ADAMTS12: variants seen among roughly 807,000 people sequenced by gnomAD.
ADAMTS12 encodes the protein A disintegrin and metalloproteinase with thrombospondin motifs 12.
Under a neutral mutation model 167.8 loss-of-function variants are expected in ADAMTS12, and 118 were observed. The observed-to-expected ratio is 0.70, with a 90% CI of 0.61 to 0.82. ADAMTS12 has a LOEUF of 0.82. ADAMTS12 is among the 40% of genes least tolerant of loss of function. The pLI is 0.00. For synonymous variants in ADAMTS12, 704 were observed against 716.9 expected (o/e 0.98, Z 0.29); for missense variants, 1,916 against 1,998.8 (o/e 0.96, Z 0.79).
chr5:33,572,084 G>A (rs1284784571), intron 19 of ADAMTS12, among the ~76,000 whole-genome samples: 1 of 152,078 alleles, frequency 6.6e-6, no homozygotes, highest in Non-Finnish European at 1.5e-5. Context: ...AATAACAGGA[G>A]CTGAAATTGG....
chr5:33,765,548 C>G (rs1421763545), intron 2 of ADAMTS12, among the ~76,000 whole-genome samples: 1 of 152,114 alleles, frequency 6.6e-6, no homozygotes, highest in Non-Finnish European at 1.5e-5. Context: ...AAAATGTACC[C>G]TCCATTTTTC....
intron 2 of ADAMTS12, among the ~76,000 whole-genome samples, chr5:33,836,300 G>A (rs2111572716): frequency 6.6e-6 from 1 of 152,228 alleles, no homozygotes; most frequent in South Asian, 2.1e-4. Context: ...GTCCCAGGCA[G>A]CCCCGGACCT....
chr5:33,751,347 A>G (rs767807039), intron 3 of ADAMTS12, 57 bp downstream of exon 3: 1 of 1,611,744 alleles, frequency 6.2e-7, no homozygotes. Flanking sequence ...TTTTAATAAA[A>G]CAACCAAAAG....
intron 5 of ADAMTS12, among the ~76,000 whole-genome samples, chr5:33,676,889 C>G (rs949144781): frequency 2.6e-5 from 4 of 152,106 alleles, no homozygotes; most frequent in Admixed American, 2.6e-4. Flanking sequence ...AGACTCAACA[C>G]TAAACCACTC....
At chr5:33,699,583 A>G (rs187006758) in intron 3 of ADAMTS12, among the ~76,000 whole-genome samples, 413 of 152,286 alleles carry the variant, frequency 2.7e-3, no homozygotes, top group Non-Finnish European at 4.0e-3. Flanking sequence ...TTCTCTGCCC[A>G]TGTGAAATCT....
intron 5 of ADAMTS12, among the ~76,000 whole-genome samples, chr5:33,669,437 G>C (rs966361559): frequency 6.6e-6 from 1 of 152,096 alleles, no homozygotes; most frequent in African/African-American, 2.4e-5. Context: ...GTACCAATAG[G>C]TAAAGTCCAA....
intron 19 of ADAMTS12, among the ~76,000 whole-genome samples, chr5:33,570,707 G>A (rs1229300584): frequency 6.6e-6 from 1 of 151,292 alleles, no homozygotes; most frequent in Non-Finnish European, 1.5e-5. Flanking sequence ...AAAATAACCA[G>A]CTAACATCAT....
At chr5:33,732,708 C>T (rs950555205) in intron 3 of ADAMTS12, among the ~76,000 whole-genome samples, 7 of 151,982 alleles carry the variant, frequency 4.6e-5, no homozygotes, top group Admixed American at 6.6e-5. Context: ...ATTAGTGTTA[C>T]GTTTTGGAGG....
intron 2 of ADAMTS12, among the ~76,000 whole-genome samples, chr5:33,787,926 C>A (rs951919783): frequency 6.6e-6 from 1 of 152,192 alleles, no homozygotes; most frequent in African/African-American, 2.4e-5. Context: ...GTTCTGGGTG[C>A]CAGATAATTG....
chr5:33,813,992 G>A (rs1045756641), intron 2 of ADAMTS12, among the ~76,000 whole-genome samples: 1 of 152,204 alleles, frequency 6.6e-6, no homozygotes, highest in Non-Finnish European at 1.5e-5. Flanking sequence ...CTGATTTTCA[G>A]GAAATTGGGG....
chr5:33,579,692 G>C lies in ADAMTS12; in HGVS notation c.2866-2532C>G, dbSNP rs371430469. Among the ~76,000 whole-genome samples the C allele has an allele frequency of 2.4e-3, 360 of 152,280 alleles. 3 individuals are homozygous for C. Among genetic ancestry groups the C allele is most frequent in the South Asian group, 0.012 (56 of 4,822 alleles). Reference sequence around the variant, plus strand: ...ACTCCTTGTGTGATTCGGTGACTAAGTCAGCTTCCTCACCTGGAAACAGAG... The same window carrying C: ...ACTCCTTGTGTGATTCGGTGACTAACTCAGCTTCCTCACCTGGAAACAGAG... On this transcript the variant is annotated intron_variant, in intron 18 of 23. Coordinates refer to ENST00000504830, the MANE Select transcript of ADAMTS12 (RefSeq NM_030955.4).
rs1653638439 is a variant in ADAMTS12, at chr5:33,523,699, T to A, written c.*3489A>T. 6.6e-6 allele frequency: 1 copy of A among 152,178 alleles called. No individual in the cohort carries two copies. The highest frequency in any genetic ancestry group is 1.5e-5 in the Non-Finnish European group (1 of 68,026). 9.4% of individuals were successfully genotyped at this position (152,178 alleles called of 1,614,324 possible). A position where few individuals can be genotyped will look rare whatever the true frequency, so the allele number is the denominator to read the frequency against. ...AGGGCAATGGGCTGGGCCGTGTATG[T>A]CATACAATTATTTTGGAGGACAATG... is the stretch of plus-strand genomic sequence containing the variant. On this transcript the variant is annotated 3_prime_UTR_variant, in exon 24 of 24. Transcript: ENST00000504830.
chr5:33,803,745 G>A (rs760564888), intron 2 of ADAMTS12, among the ~76,000 whole-genome samples: 6 of 152,260 alleles, frequency 3.9e-5, no homozygotes, highest in East Asian at 1.9e-4. Context: ...CATCTTACAC[G>A]GCAGCAGGCA....
In ADAMTS12 at chr5:33,527,350, C is replaced by T; in HGVS notation, c.4623G>A (p.Lys1541=). 6.2e-7 allele frequency: 1 copy of T among 1,613,904 alleles called. No individual in the cohort carries two copies. The change falls in exon 24 of 24, where the codon AAG becomes AAA. Residue 1541 remains lysine, a synonymous_variant. Coordinates refer to ENST00000504830, the MANE Select transcript of ADAMTS12 (RefSeq NM_030955.4). ...CKKSADLLCT[K]DKLSASFCQT... ...GGCAGAAACTGGCTGACAGTTTGTC[C>T]TTAGTGCAAAGTAAATCTGTGGAAG...
At chr5:33,863,264 C>G (rs1317136825) in intron 2 of ADAMTS12, among the ~76,000 whole-genome samples, 1 of 152,188 alleles carries the variant, frequency 6.6e-6, no homozygotes, top group African/African-American at 2.4e-5. Context: ...TCTCTGTTTG[C>G]AGATGACATG....
At chr5:33,535,453 A>C (rs1311412758) in intron 22 of ADAMTS12, among the ~76,000 whole-genome samples, 4 of 152,138 alleles carry the variant, frequency 2.6e-5, no homozygotes, top group Non-Finnish European at 5.9e-5. Flanking sequence ...TGAAATTTGA[A>C]AACTTGGGTG....
chr5:33,865,165 T>A (rs545628537), intron 2 of ADAMTS12, among the ~76,000 whole-genome samples: 1 of 151,862 alleles, frequency 6.6e-6, no homozygotes, highest in Admixed American at 6.6e-5. Context: ...AAGGACATAA[T>A]AATAATAATA....
intron 18 of ADAMTS12, among the ~76,000 whole-genome samples, chr5:33,585,945 A>G (rs1747324995): frequency 1.3e-5 from 2 of 152,130 alleles, no homozygotes; most frequent in Non-Finnish European, 2.9e-5. Context: ...AAAGGAGCTC[A>G]TGAATGTACT....
chr5:33,757,742 T>C (rs773020451), intron 2 of ADAMTS12, among the ~76,000 whole-genome samples: 4 of 152,212 alleles, frequency 2.6e-5, no homozygotes, highest in Admixed American at 6.5e-5. Flanking sequence ...CTTGGTCCCA[T>C]TGCTTAACAC....
Sources: allele counts gnomAD v4.1 joint callset (sites outside exome capture counted in the v4.1 genomes callset), GRCh38; gene constraint gnomAD v4.1.1; transcripts MANE v1.5; gene names NCBI Gene and HGNC (gene_info 2026-07-23, HGNC 2026-07-21).